The following GRIK2 variants were observed in gnomAD, a reference collection of about 807,000 sequenced individuals.
GRIK2 encodes the protein glutamate receptor ionotropic, kainate 2.
GRIK2 carries 32 observed loss-of-function variants against 100.3 expected under a neutral mutation model. The ratio of observed to expected loss-of-function variants is 0.32; its 90% CI spans 0.24 to 0.43. The LOEUF is 0.43. Ranked by LOEUF, GRIK2 falls within the 20% of genes least tolerant of loss-of-function variation. The pLI is 1.00. For synonymous variants in GRIK2, 417 were observed against 389.4 expected, an observed-to-expected ratio of 1.07 and a Z score of -0.83; for missense variants, 843 against 1,114.9, an observed-to-expected ratio of 0.76 and a Z score of 3.47.
chr6:101,740,752 G>T (rs1775971799), intron 7 of GRIK2, among the ~76,000 whole-genome samples: 1 of 152,196 alleles, frequency 6.6e-6, no homozygotes, highest in South Asian at 2.1e-4. Flanking sequence ...AGAAAAGGAA[G>T]GGGAGCCGGC....
intron 2 of GRIK2, among the ~76,000 whole-genome samples, chr6:101,508,390 A>G (rs1774125801): frequency 1.3e-5 from 2 of 152,052 alleles, no homozygotes; most frequent in South Asian, 4.1e-4. Flanking sequence ...CTGAAAGCAC[A>G]AAATGTTAAA....
In GRIK2 at chr6:101,581,235, CAT is replaced by C. The variant is rs34699853; in HGVS notation, c.116-40709_116-40708del. Among the ~76,000 whole-genome samples, 62 of 150,584 alleles carry C rather than the reference CAT, an allele frequency of 4.1e-4. 1 individual carries two copies. Among genetic ancestry groups the C allele is most frequent in the East Asian group, 2.9e-3 (15 of 5,096 alleles). The stretch of plus-strand genomic sequence containing the variant: ...ATATACATTCACACACACTCACACA[CAT>C]ATATGTGTATATATACACATATATC... On this transcript the variant is annotated intron_variant, in intron 2 of 16. Coordinates refer to ENST00000369134, the MANE Select transcript of GRIK2 (RefSeq NM_021956.5).
At chr6:101,700,082 C>T (rs547962342) in intron 7 of GRIK2, among the ~76,000 whole-genome samples, 3 of 152,000 alleles carry the variant, frequency 2.0e-5, no homozygotes, top group South Asian at 4.2e-4. Flanking sequence ...CCTGAGAGGT[C>T]GAAGCTGCAG....
chr6:101,663,991 C>T (rs923608441), intron 4 of GRIK2, among the ~76,000 whole-genome samples: 6 of 152,122 alleles, frequency 3.9e-5, no homozygotes, highest in Non-Finnish European at 8.8e-5. Flanking sequence ...TTCTGATTGT[C>T]ATCTGTGTTA....
chr6:101,700,240 T>A (rs1048554907), intron 7 of GRIK2, among the ~76,000 whole-genome samples: 1 of 151,718 alleles, frequency 6.6e-6, no homozygotes, highest in South Asian at 2.1e-4. Context: ...ATAATAATAA[T>A]AATTGTTATT....
chr6:101,595,272 T>G (rs1256715621), intron 2 of GRIK2, among the ~76,000 whole-genome samples: 3 of 151,592 alleles, frequency 2.0e-5, no homozygotes, highest in Non-Finnish European at 4.4e-5. Context: ...ACAGATCAGT[T>G]AGCAAACTGT....
intron 7 of GRIK2, among the ~76,000 whole-genome samples, chr6:101,790,235 A>C (rs1190870067): frequency 6.6e-6 from 1 of 151,652 alleles, no homozygotes; most frequent in East Asian, 1.9e-4. Flanking sequence ...CAGACCTTCC[A>C]ACACTATATT....
At position 101,643,565 on chromosome 6, in the gene GRIK2, GCTCT is replaced by G. The variant is rs571573570; in HGVS notation, c.541+16931_541+16934del. 3.2e-3 allele frequency among the ~76,000 whole-genome samples: 481 copies of G among 151,670 alleles called. 2 individuals carry two copies. The highest frequency in any genetic ancestry group is 5.1e-3 in the Non-Finnish European group (345 of 67,666). ...CACATATGTGAGAGTTTATTTCTGA[GCTCT>G]CTATTTTATTCCATTGGTTTATATG... On this transcript the variant is annotated intron_variant, in intron 4 of 16. Coordinates refer to ENST00000369134, the MANE Select transcript of GRIK2 (RefSeq NM_021956.5).
intron 15 of GRIK2, among the ~76,000 whole-genome samples, chr6:102,042,851 A>C (rs561002647): frequency 2.0e-5 from 3 of 151,858 alleles, no homozygotes; most frequent in African/African-American, 7.2e-5. Flanking sequence ...TACTCAAGAA[A>C]TATGACAGCA....
At chr6:102,018,234 A>G (rs1769224297) in intron 14 of GRIK2, among the ~76,000 whole-genome samples, 1 of 152,084 alleles carries the variant, frequency 6.6e-6, no homozygotes, top group Non-Finnish European at 1.5e-5. Context: ...CTTCTGGTCT[A>G]CAATCTCGCA....
chr6:101,779,449 T>A (rs1778945612), intron 7 of GRIK2, among the ~76,000 whole-genome samples: 1 of 152,236 alleles, frequency 6.6e-6, no homozygotes, highest in Admixed American at 6.5e-5. Flanking sequence ...ATCACTATAG[T>A]TTTACTAAAA....
intron 14 of GRIK2, among the ~76,000 whole-genome samples, chr6:101,966,634 C>T (rs552140044): frequency 8.7e-4 from 133 of 152,040 alleles, no homozygotes; most frequent in Non-Finnish European, 1.7e-3. Flanking sequence ...ATTGTCAATG[C>T]ATAAGTGATT....
intron 7 of GRIK2, among the ~76,000 whole-genome samples, chr6:101,755,161 G>GTTTTTTTT (rs1157640683): frequency 3.6e-4 from 37 of 102,954 alleles, no homozygotes; most frequent in Non-Finnish European, 4.4e-4. Flanking sequence ...TTTCTTTTTG[G>GTTTTTTTT]TTTTTTTTTT....
intron 2 of GRIK2, among the ~76,000 whole-genome samples, chr6:101,594,100 G>T (rs1488192112): frequency 6.6e-6 from 1 of 151,748 alleles, no homozygotes; most frequent in Admixed American, 6.6e-5. Flanking sequence ...TTAATTAAAT[G>T]AGTTATTACT....
At chr6:101,627,224 C>T (rs930772580) in intron 4 of GRIK2, among the ~76,000 whole-genome samples, 1 of 151,936 alleles carries the variant, frequency 6.6e-6, no homozygotes, top group African/African-American at 2.4e-5. Flanking sequence ...TTACTGCAAC[C>T]TCTGCCTCCC....
At chr6:101,496,854 C>G (rs1322520636) in intron 2 of GRIK2, among the ~76,000 whole-genome samples, 2 of 152,140 alleles carry the variant, frequency 1.3e-5, no homozygotes, top group Admixed American at 1.3e-4. Flanking sequence ...GATTTAAAGG[C>G]TGATCAAATA....
At chr6:101,984,614 A>AACACACACACAC (rs10678285) in intron 14 of GRIK2, among the ~76,000 whole-genome samples, 9,157 of 129,034 alleles carry the variant, frequency 0.071, 401 homozygotes, top group Middle Eastern at 0.11. Context: ...TACACATTAA[A>AACACACACACAC]ACACACACAC....
rs529220167 is a variant in GRIK2, at chr6:101,579,445, TTTTC to T, written c.116-42491_116-42488del. 5.3e-3 allele frequency among the ~76,000 whole-genome samples: 805 copies of T among 152,180 alleles called. 3 individuals carry two copies. Among genetic ancestry groups the T allele is most frequent in the Non-Finnish European group, 8.1e-3 (548 of 67,998 alleles). On this transcript the variant is annotated intron_variant, in intron 2 of 16. Transcript: ENST00000369134. ...TCTTTCTTTATCTTTTATTTCTTTT[TTTTC>T]TTTCTTTCTTTCGCTTTCTCTCTTT... is the stretch of plus-strand genomic sequence containing the variant.
At chr6:101,538,171 C>A (rs2128287299) in intron 2 of GRIK2, among the ~76,000 whole-genome samples, 1 of 151,830 alleles carries the variant, frequency 6.6e-6, no homozygotes, top group Admixed American at 6.6e-5. Flanking sequence ...AGGACTAGAA[C>A]TGTCTCAAGA....
Sources: allele counts gnomAD v4.1 joint callset (sites outside exome capture counted in the v4.1 genomes callset), GRCh38; gene constraint gnomAD v4.1.1; transcripts MANE v1.5; gene names NCBI Gene and HGNC (gene_info 2026-07-23, HGNC 2026-07-21).